SPMIP7: variants seen among roughly 807,000 people sequenced by gnomAD.
SPMIP7 encodes protein SPMIP7.
the SPMIP7 span, among the ~76,000 whole-genome samples, chr7:50,156,788 G>C: frequency 9.2e-3 from 1,395 of 152,028 alleles, 15 homozygotes; most frequent in Non-Finnish European, 0.014. Context: ...CGCAGTGCTG[G>C]CCTCTCCCAG....
the SPMIP7 span, among the ~76,000 whole-genome samples, chr7:50,146,613 G>A: frequency 6.6e-6 from 1 of 152,104 alleles, no homozygotes; most frequent in African/African-American, 2.4e-5. Context: ...AGTTTTATTT[G>A]CATTTGTCAT....
the SPMIP7 span, among the ~76,000 whole-genome samples, chr7:50,140,755 C>T: frequency 6.6e-6 from 1 of 152,240 alleles, no homozygotes; most frequent in Non-Finnish European, 1.5e-5. Flanking sequence ...TACTCGGCCT[C>T]TTCAGTTCTG....
chr7:50,152,008 T>C, the SPMIP7 span, among the ~76,000 whole-genome samples: 2 of 152,214 alleles, frequency 1.3e-5, no homozygotes, highest in Non-Finnish European at 2.9e-5. Flanking sequence ...GAAAAAATTC[T>C]GTTGAAAGTC....
the SPMIP7 span, among the ~76,000 whole-genome samples, chr7:50,158,380 C>G: frequency 6.7e-6 from 1 of 150,108 alleles, no homozygotes; most frequent in Non-Finnish European, 1.5e-5. Context: ...GTCCCCCAAC[C>G]CATGTCTTCT....
chr7:50,100,704 C>A, the SPMIP7 span, among the ~76,000 whole-genome samples: 2 of 151,864 alleles, frequency 1.3e-5, no homozygotes, highest in African/African-American at 4.8e-5. Context: ...CCCAGCTACT[C>A]GGGAGGCTGA....
chr7:50,127,238 C>G, the SPMIP7 span, among the ~76,000 whole-genome samples: 26 of 152,134 alleles, frequency 1.7e-4, 1 homozygote, highest in East Asian at 3.1e-3. Context: ...CTACCTCTCA[C>G]CATACACAAA....
the SPMIP7 span, among the ~76,000 whole-genome samples, chr7:50,101,540 CTGA>C: frequency 2.2e-4 from 34 of 152,174 alleles, no homozygotes; most frequent in African/African-American, 8.2e-4. Flanking sequence ...ATAGTAGATA[CTGA>C]AACGGAGTGG....
chr7:50,157,722 A>G, the SPMIP7 span, among the ~76,000 whole-genome samples: 1 of 152,166 alleles, frequency 6.6e-6, no homozygotes, highest in African/African-American at 2.4e-5. Context: ...TCAGATAGCA[A>G]CAAATTCACA....
the SPMIP7 span, among the ~76,000 whole-genome samples, chr7:50,107,697 ACGATTTTTATATCCAC>A: frequency 6.6e-6 from 1 of 152,176 alleles, no homozygotes; most frequent in African/African-American, 2.4e-5. Flanking sequence ...AAGCTAAGAT[ACGATTTTTATATCCAC>A]TGCGTGTTTA....
chr7:50,125,311 C>CATAT, the SPMIP7 span, among the ~76,000 whole-genome samples: 134 of 66,612 alleles, frequency 2.0e-3, 5 homozygotes, highest in African/African-American at 6.6e-3. Flanking sequence ...TATATATACC[C>CATAT]ATATATACAT....
the SPMIP7 span, chr7:50,159,250 C>A: frequency 6.9e-7 from 1 of 1,454,102 alleles, no homozygotes; most frequent in Non-Finnish European, 9.2e-7. Context: ...GCTGCTTCTC[C>A]GCGCTGCGCA....
chr7:50,118,042 A>G, the SPMIP7 span, among the ~76,000 whole-genome samples: 1 of 152,208 alleles, frequency 6.6e-6, no homozygotes, highest in African/African-American at 2.4e-5. Flanking sequence ...TGCTAAATCA[A>G]CTAGTGCTGA....
the SPMIP7 span, among the ~76,000 whole-genome samples, chr7:50,155,304 A>G: frequency 1.1e-4 from 16 of 152,354 alleles, no homozygotes; most frequent in Non-Finnish European, 2.2e-4. Flanking sequence ...TTATAAATCC[A>G]TTTCCAAAGG....
the SPMIP7 span, among the ~76,000 whole-genome samples, chr7:50,153,038 C>T: frequency 6.6e-6 from 1 of 152,102 alleles, no homozygotes; most frequent in Admixed American, 6.6e-5. Flanking sequence ...GTTCAAGACA[C>T]TGAAGATACA....
the SPMIP7 span, among the ~76,000 whole-genome samples, chr7:50,137,490 C>T: frequency 6.6e-6 from 1 of 152,006 alleles, no homozygotes; most frequent in African/African-American, 2.4e-5. Context: ...CCTTCACATA[C>T]CTAAGTGTAA....
the SPMIP7 span, among the ~76,000 whole-genome samples, chr7:50,106,680 A>G: frequency 3.9e-5 from 6 of 152,238 alleles, no homozygotes; most frequent in Non-Finnish European, 7.3e-5. Flanking sequence ...GAATCAGCAG[A>G]AATGAAAGAA....
the SPMIP7 span, among the ~76,000 whole-genome samples, chr7:50,138,722 C>T: frequency 1.3e-5 from 2 of 151,238 alleles, no homozygotes; most frequent in African/African-American, 2.4e-5. Flanking sequence ...TTAACAATTG[C>T]ACCACTTCAA....
At chr7:50,139,491 G>T in the SPMIP7 span, among the ~76,000 whole-genome samples, 1 of 151,780 alleles carries the variant, frequency 6.6e-6, no homozygotes, top group Non-Finnish European at 1.5e-5. Context: ...AAACTTTATT[G>T]GTATATTGGT....
At chr7:50,125,373 TAC>T in the SPMIP7 span, among the ~76,000 whole-genome samples, 27 of 61,064 alleles carry the variant, frequency 4.4e-4, no homozygotes, top group East Asian at 1.7e-3. Flanking sequence ...CACATATATA[TAC>T]ACATATACAC....
Sources: allele counts gnomAD v4.1 joint callset (sites outside exome capture counted in the v4.1 genomes callset), GRCh38; gene constraint gnomAD v4.1.1; transcripts MANE v1.5; gene names NCBI Gene and HGNC (gene_info 2026-07-23, HGNC 2026-07-21).